Variants in USP31 observed in about 807,000 individuals in gnomAD.
USP31 encodes ubiquitin specific peptidase 31, also known as ubiquitin carboxyl-terminal hydrolase 31.
USP31 carries 44 observed loss-of-function variants against 119.4 expected under a neutral mutation model. The observed-to-expected ratio is 0.37, with a 90% CI of 0.29 to 0.47. The LOEUF (loss-of-function observed/expected upper bound fraction) is 0.47, where lower values mean the gene tolerates loss of function less well. Ranked by LOEUF, USP31 falls within the 20% of genes least tolerant of loss-of-function variation. The probability of loss-of-function intolerance (pLI) is 0.99; values close to 1 mark genes in which losing one functional copy is unlikely to be tolerated. For missense variants in USP31, 1,643 were observed against 1,730.2 expected, an observed-to-expected ratio of 0.95 and a Z score of 0.89; for synonymous variants, 749 against 705.6, an observed-to-expected ratio of 1.06 and a Z score of -0.97.
intron 2 of USP31, 45 bp from the exon 3 acceptor site, chr16:23,106,532 T>A: frequency 1.3e-6 from 2 of 1,536,880 alleles, no homozygotes; most frequent in Non-Finnish European, 1.8e-6. Flanking sequence ...GAAAGACCAA[T>A]TCTTGGTTGA....
chr16:23,071,139 G>C (rs1273117582), intron 15 of USP31, among the ~76,000 whole-genome samples: 1 of 152,194 alleles, frequency 6.6e-6, no homozygotes, highest in Non-Finnish European at 1.5e-5. Flanking sequence ...CAAATAAAGA[G>C]GAAGAGGCAA....
At chr16:23,082,404 CTTGT>C (rs745761197) in intron 12 of USP31, 30 bp downstream of exon 12, 2 of 1,611,078 alleles carry the variant, frequency 1.2e-6, no homozygotes, top group East Asian at 4.5e-5. Context: ...CTTGTCACAA[CTTGT>C]TTGTTCCTGA....
At chr16:23,111,147 ATT>A (rs1181676484) in intron 1 of USP31, among the ~76,000 whole-genome samples, 1 of 152,010 alleles carries the variant, frequency 6.6e-6, no homozygotes, top group Non-Finnish European at 1.5e-5. Flanking sequence ...TAAATAAATA[ATT>A]AATTAAATAA....
intron 1 of USP31, among the ~76,000 whole-genome samples, chr16:23,124,132 G>A (rs1009869851): frequency 2.0e-5 from 3 of 152,024 alleles, no homozygotes; most frequent in Admixed American, 6.6e-5. Flanking sequence ...ATAAGAATTC[G>A]AACAATATAG....
At chr16:23,130,473 G>T (rs2141895438) in intron 1 of USP31, among the ~76,000 whole-genome samples, 1 of 151,400 alleles carries the variant, frequency 6.6e-6, no homozygotes, top group African/African-American at 2.4e-5. Flanking sequence ...CTACCAATTA[G>T]AAAGGACAGA....
chr16:23,071,744 T>TG (rs1479167187), intron 15 of USP31, among the ~76,000 whole-genome samples: 92 of 12,380 alleles, frequency 7.4e-3, no homozygotes, highest in African/African-American at 0.019. Flanking sequence ...TAAAACACTT[T>TG]GGGAAAAAAA....
intron 4 of USP31, 151 bp from the exon 5 acceptor site, chr16:23,105,727 C>T: frequency 1.3e-6 from 1 of 777,502 alleles, no homozygotes; most frequent in East Asian, 3.1e-5. Flanking sequence ...TCACTTGGCT[C>T]TAAGCAGAAC....
In USP31 at chr16:23,084,939, C is replaced by A; in HGVS notation, c.1751G>T (p.Arg584Leu). The A allele has an allele frequency of 6.2e-7, 1 of 1,613,968 alleles. No homozygotes were observed. Among genetic ancestry groups the A allele is most frequent in the Non-Finnish European group, 8.5e-7 (1 of 1,179,998 alleles). The change falls in exon 11 of 16, where the codon CGT becomes CTT. Residue 584 changes from arginine (R) to leucine (L), a missense_variant. Arg to Leu is a moderately radical substitution (Grantham distance 102, BLOSUM62 -2). Coordinates refer to ENST00000219689, the MANE Select transcript of USP31 (RefSeq NM_020718.4). ...DEYIPDAESV[R>L]LQRERHHQPQ... ...CTGATGATGACGCTCCCTTTGCAGA[C>A]GAACACTTTCTGCATCAGGAATATA...
intron 6 of USP31, among the ~76,000 whole-genome samples, chr16:23,096,534 T>C (rs934029293): frequency 1.3e-5 from 2 of 152,192 alleles, no homozygotes; most frequent in South Asian, 4.1e-4. Context: ...ATCAACAGAA[T>C]ATACATTCTT....
At chr16:23,092,544 C>A (rs1390065875) in intron 6 of USP31, among the ~76,000 whole-genome samples, 1 of 152,040 alleles carries the variant, frequency 6.6e-6, no homozygotes, top group Non-Finnish European at 1.5e-5. Flanking sequence ...AGCAGGAGTT[C>A]GCCAGCCAGC....
chr16:23,102,727 A>G (rs1348455903), intron 5 of USP31, among the ~76,000 whole-genome samples: 3 of 151,478 alleles, frequency 2.0e-5, no homozygotes, highest in Admixed American at 6.6e-5. Context: ...TATTCAGAAG[A>G]AAAAAAAAGG....
intron 12 of USP31, 93 bp downstream of exon 12, chr16:23,082,345 G>C (rs1900867697): frequency 6.6e-7 from 1 of 1,517,470 alleles, no homozygotes; most frequent in Non-Finnish European, 9.0e-7. Context: ...GGATCAAACA[G>C]GTATACCAAA....
intron 10 of USP31, 105 bp from the exon 11 acceptor site, chr16:23,085,094 A>C: frequency 1.4e-6 from 2 of 1,462,008 alleles, no homozygotes; most frequent in Non-Finnish European, 9.1e-7. Context: ...ACCGAAGGAA[A>C]AAAAAAATCA....
At chr16:23,106,172 A>G in intron 4 of USP31, 41 bp downstream of exon 4, 1 of 1,610,556 alleles carries the variant, frequency 6.2e-7, no homozygotes, top group Non-Finnish European at 8.5e-7. Context: ...AAGGGATACC[A>G]TAAGAAAATA....
At chr16:23,099,365 T>C (rs28824316) in intron 6 of USP31, among the ~76,000 whole-genome samples, 41,585 of 152,076 alleles carry the variant, frequency 0.27, 6,124 homozygotes, top group Admixed American at 0.35. Flanking sequence ...TTTTACACTG[T>C]TGGTGGGAGT....
chr16:23,079,032 G>GA (rs904123722), intron 13 of USP31: 1 of 152,196 alleles, frequency 6.6e-6, no homozygotes, highest in Admixed American at 6.5e-5. Flanking sequence ...CACAGAGACA[G>GA]AAAGTATGGT....
chr16:23,135,511 T>C (rs1285761411), intron 1 of USP31, among the ~76,000 whole-genome samples: 1 of 152,066 alleles, frequency 6.6e-6, no homozygotes, highest in Non-Finnish European at 1.5e-5. Context: ...AAAATCAACA[T>C]GCAAAAATCA....
rs114260648 is a variant in USP31, at chr16:23,088,322, T to C, written c.1416-487A>G. 4.4e-3 allele frequency among the ~76,000 whole-genome samples: 666 copies of C among 152,334 alleles called. 7 individuals carry two copies. The highest frequency in any genetic ancestry group is 0.015 in the African/African-American group (637 of 41,564). On this transcript the variant is annotated intron_variant, in intron 7 of 15. Coordinates refer to ENST00000219689, the MANE Select transcript of USP31 (RefSeq NM_020718.4). ...ATGTCCCACAGAGTCCAAGCAGTAC[T>C]GTGGTTCTTGGCCTCAGCTGCACAG...
chr16:23,148,709 C>A lies in USP31; in HGVS notation c.562G>T (p.Glu188Ter). The A allele has an allele frequency of 6.7e-7, 1 of 1,491,550 alleles. No homozygotes were observed. Among genetic ancestry groups the A allele is most frequent in the South Asian group, 1.3e-5 (1 of 77,496 alleles). The allele number at this position is 1,491,550 out of a possible 1,614,324, so 92.4% of individuals were successfully genotyped here. ...RGAQGQGEVT[E>*]QLAHLVRALW... ...GCCCGCACCAGGTGCGCCAGCTGCT[C>A]AGTGACCTCGCCCTGGCCCTGCGCG... The change falls in exon 1 of 16, where the codon GAG becomes TAG. Residue 188 changes from glutamate (E) to a stop codon, truncating the protein, a stop_gained. Transcript: ENST00000219689. LOFTEE classifies it high-confidence loss of function.
Sources: allele counts gnomAD v4.1 joint callset (sites outside exome capture counted in the v4.1 genomes callset), GRCh38; gene constraint gnomAD v4.1.1; transcripts MANE v1.5; gene names NCBI Gene and HGNC (gene_info 2026-07-23, HGNC 2026-07-21).